Variants in LPAR3 observed in about 807,000 individuals in gnomAD.
LPAR3 encodes LPA receptor 3.
A neutral mutation model predicts 17.8 loss-of-function variants in LPAR3; 7 were observed. The ratio of observed to expected loss-of-function variants is 0.39; its 90% CI spans 0.22 to 0.74. The LOEUF is 0.74. LPAR3 is among the 30% of genes least tolerant of loss of function. LPAR3 has a pLI of 0.40. For missense variants in LPAR3, 391 were observed against 453.4 expected (o/e 0.86, Z 1.25); for synonymous variants, 179 against 179.9 (o/e 0.99, Z 0.04).
In LPAR3 at chr1:84,865,611, G is replaced by C; in HGVS notation, c.510C>G (p.Leu170=). ...GAVPTLGWNC[L]CNISACSSLA... ...GGGAAGAGCAGGCAGAGATGTTGCA[G>C]AGGCAATTCCAGCCCAGTGTGGGGA... Residue 170 remains leucine (L), a synonymous_variant, in exon 2 of 3, where the codon CTC becomes CTG. Transcript: ENST00000370611. 6.2e-7 allele frequency: 1 copy of C among 1,614,228 alleles called. No homozygotes were observed. The highest frequency in any genetic ancestry group is 8.5e-7 in the Non-Finnish European group (1 of 1,180,044).
At position 84,814,103 on chromosome 1, in the gene LPAR3, A is replaced by C. The variant is rs1282176810; in HGVS notation, c.805T>G (p.Cys269Gly). ...CACCTTTTCACATGCTGCACGCCAC[A>C]CTGCCTGCAGTTCAGGCCGTCGAGG... ...LLLDGLNCRQ[C>G]GVQHVKRWFL... Residue 269 changes from cysteine (C) to glycine (G), a missense_variant, in exon 3 of 3, where the codon TGT (cysteine) becomes GGT (glycine). By Grantham distance (159) the Cys-to-Gly change is radical. Transcript: ENST00000370611. 1 of 1,614,034 alleles carries C rather than the reference A, an allele frequency of 6.2e-7. No individual in the cohort carries two copies. Among genetic ancestry groups the C allele is most frequent in the Non-Finnish European group, 8.5e-7 (1 of 1,180,044 alleles).
intron 2 of LPAR3, among the ~76,000 whole-genome samples, chr1:84,837,759 T>C (rs1276127494): frequency 1.3e-5 from 2 of 152,214 alleles, no homozygotes; most frequent in African/African-American, 2.4e-5. Context: ...CAAACTTCAC[T>C]TTCTTTTATA....
At chr1:84,820,131 T>C (rs1047769757) in intron 2 of LPAR3, among the ~76,000 whole-genome samples, 1 of 152,178 alleles carries the variant, frequency 6.6e-6, no homozygotes, top group African/African-American at 2.4e-5. Flanking sequence ...TTGTCCTAGG[T>C]GCACAAGCCA....
intron 1 of LPAR3, among the ~76,000 whole-genome samples, chr1:84,884,520 A>G (rs1660423630): frequency 6.6e-6 from 1 of 152,244 alleles, no homozygotes; most frequent in South Asian, 2.1e-4. Context: ...ATATAATCAA[A>G]TGAAAATATC....
intron 2 of LPAR3, among the ~76,000 whole-genome samples, chr1:84,860,079 AG>A (rs34553194): frequency 0.24 from 36,522 of 152,108 alleles, 5,415 homozygotes; most frequent in East Asian, 0.48. Flanking sequence ...TTTCACATAA[AG>A]GGCCCCATCA....
At chr1:84,846,915 G>A (rs567765520) in intron 2 of LPAR3, among the ~76,000 whole-genome samples, 2 of 152,258 alleles carry the variant, frequency 1.3e-5, no homozygotes, top group South Asian at 4.1e-4. Flanking sequence ...GTGCTATCTG[G>A]AAATTTTGGA....
chr1:84,888,153 C>T (rs1171435151), intron 1 of LPAR3, among the ~76,000 whole-genome samples: 1 of 73,340 alleles, frequency 1.4e-5, no homozygotes, highest in Admixed American at 1.8e-4. Context: ...TACATACATA[C>T]ACACACACAC....
At chr1:84,829,152 A>ATTTTTTTTTTT (rs56095946) in intron 2 of LPAR3, among the ~76,000 whole-genome samples, 2 of 55,526 alleles carry the variant, frequency 3.6e-5, no homozygotes, top group Non-Finnish European at 5.9e-5. Flanking sequence ...CCTCTCTGCA[A>ATTTTTTTTTTT]TTTTTTTTTT....
intron 2 of LPAR3, among the ~76,000 whole-genome samples, chr1:84,842,091 G>T (rs929840825): frequency 2.0e-5 from 3 of 152,116 alleles, no homozygotes; most frequent in African/African-American, 7.2e-5. Context: ...AATAACACAG[G>T]GCTTTCCAAC....
intron 1 of LPAR3, among the ~76,000 whole-genome samples, chr1:84,892,045 C>G (rs1032369203): frequency 2.6e-5 from 4 of 151,886 alleles, no homozygotes; most frequent in Non-Finnish European, 4.4e-5. Flanking sequence ...AACCCCGTCT[C>G]TACTAAAAAT....
intron 2 of LPAR3, among the ~76,000 whole-genome samples, chr1:84,839,446 G>A (rs1659467807): frequency 6.6e-6 from 1 of 152,168 alleles, no homozygotes; most frequent in Non-Finnish European, 1.5e-5. Flanking sequence ...AGCCAAAGGT[G>A]GAGGATTACT....
rs144076711 is a variant in LPAR3, at chr1:84,856,088, T to G, written c.736+9297A>C. The stretch of plus-strand genomic sequence containing the variant: ...GGGCAGCAACTGAGTGGCAACTGCA[T>G]TTTTGCACCCACCGATTGACGGCCT... On this transcript the variant is annotated intron_variant, in intron 2 of 2. Transcript: ENST00000370611. Among the ~76,000 whole-genome samples, 970 of 152,240 alleles carry G rather than the reference T, an allele frequency of 6.4e-3. 13 individuals are homozygous for G. Among genetic ancestry groups the G allele is most frequent in the Non-Finnish European group, 8.8e-3 (596 of 68,012 alleles).
chr1:84,871,089 C>T (rs1210963233), intron 1 of LPAR3, among the ~76,000 whole-genome samples: 1 of 152,090 alleles, frequency 6.6e-6, no homozygotes, highest in Non-Finnish European at 1.5e-5. Context: ...GTTAACATTG[C>T]TCAACTTTAC....
At chr1:84,868,353 G>A (rs926059957) in intron 1 of LPAR3, among the ~76,000 whole-genome samples, 6 of 152,016 alleles carry the variant, frequency 3.9e-5, no homozygotes, top group Admixed American at 1.3e-4. Context: ...CAGGTGATCC[G>A]CCCACCTTGG....
intron 1 of LPAR3, among the ~76,000 whole-genome samples, chr1:84,877,004 C>T (rs1660272671): frequency 6.6e-6 from 1 of 152,156 alleles, no homozygotes; most frequent in Non-Finnish European, 1.5e-5. Context: ...CTGGAATCTA[C>T]CTCACAAATG....
intron 2 of LPAR3, among the ~76,000 whole-genome samples, chr1:84,846,209 T>C (rs1659592999): frequency 6.6e-6 from 1 of 152,172 alleles, no homozygotes; most frequent in African/African-American, 2.4e-5. Context: ...AAAAAGCCAT[T>C]TTAAAGATGT....
At chr1:84,880,048 T>G (rs7529963) in intron 1 of LPAR3, among the ~76,000 whole-genome samples, 15 of 152,252 alleles carry the variant, frequency 9.9e-5, no homozygotes, top group African/African-American at 3.6e-4. Context: ...CATCACAATG[T>G]GCTGGGTGTG....
intron 1 of LPAR3, among the ~76,000 whole-genome samples, chr1:84,892,214 A>AAAATAAATAAAT (rs71097866): frequency 6.1e-4 from 83 of 135,598 alleles, no homozygotes; most frequent in East Asian, 1.1e-3. Flanking sequence ...CTGTGTCTCA[A>AAAATAAATAAAT]AAATAAATAA....
At chr1:84,834,390 C>T (rs1303080348) in intron 2 of LPAR3, among the ~76,000 whole-genome samples, 1 of 152,046 alleles carries the variant, frequency 6.6e-6, no homozygotes, top group Non-Finnish European at 1.5e-5. Context: ...AGAATTTGAC[C>T]CTTAGGTAAC....
Sources: gnomAD v4.1 joint callset for allele counts (sites outside exome capture counted in the v4.1 genomes callset) on GRCh38, gnomAD v4.1.1 for gene constraint, MANE v1.5 for transcripts, NCBI Gene and HGNC (gene_info 2026-07-23, HGNC 2026-07-21) for gene names.